Variants in NCKAP5 observed in about 807,000 individuals in gnomAD.
The protein encoded by NCKAP5 is NCK associated protein 5.
NCKAP5 carries 92 observed loss-of-function variants against 167.0 expected under a neutral mutation model. That is an observed-to-expected ratio of 0.55 (90% CI 0.47 to 0.66). NCKAP5 has a LOEUF of 0.66. Among genes scored for constraint, NCKAP5 ranks in the 30% least tolerant of loss-of-function variants. The pLI is 0.00. For missense variants in NCKAP5, 2,378 were observed against 2,315.0 expected (o/e 1.03, Z -0.56); for synonymous variants, 891 against 877.4 (o/e 1.02, Z -0.27).
chr2:132,862,695 G>A (rs375596906), intron 10 of NCKAP5, among the ~76,000 whole-genome samples: 1 of 148,974 alleles, frequency 6.7e-6, no homozygotes, highest in African/African-American at 2.5e-5. Context: ...AGGAGGCAAA[G>A]ATTGCCGTCA....
chr2:133,521,665 T>C (rs1274589455), intron 2 of NCKAP5, among the ~76,000 whole-genome samples: 1 of 152,190 alleles, frequency 6.6e-6, no homozygotes, highest in East Asian at 1.9e-4. Context: ...CACATCCCCA[T>C]GTCTCTTCCT....
chr2:133,375,976 C>T (rs1376508430), intron 3 of NCKAP5, among the ~76,000 whole-genome samples: 1 of 152,030 alleles, frequency 6.6e-6, no homozygotes, highest in African/African-American at 2.4e-5. Context: ...AGAGTGGGCC[C>T]AATAAATTCA....
intron 19 of NCKAP5, among the ~76,000 whole-genome samples, chr2:132,715,292 T>C (rs1431093161): frequency 6.6e-6 from 1 of 152,172 alleles, no homozygotes; most frequent in Non-Finnish European, 1.5e-5. Flanking sequence ...GAAAGTTCCT[T>C]CTACTGACCC....
intron 6 of NCKAP5, among the ~76,000 whole-genome samples, chr2:133,054,737 A>G (rs1164687532): frequency 6.6e-6 from 1 of 152,236 alleles, no homozygotes; most frequent in African/African-American, 2.4e-5. Context: ...CTCACATGGT[A>G]GAATGACATA....
rs541104627 is a variant in NCKAP5 at position 132,707,342 on chromosome 2, A to T, written c.5713+18285T>A. On this transcript the variant is annotated intron_variant, in intron 19 of 19. Coordinates refer to ENST00000409261, the MANE Select transcript of NCKAP5 (RefSeq NM_207363.3). The stretch of plus-strand genomic sequence containing the variant: ...GACCGGCCTTAGCCAGAGGGAAATC[A>T]CCCATCCCAGTGGTCAGAATCTGAG... 8.5e-5 allele frequency among the ~76,000 whole-genome samples: 13 copies of T among 152,330 alleles called. No individual in the cohort carries two copies. The South Asian group carries it at 2.7e-3, about 32-fold the overall frequency.
intron 16 of NCKAP5, among the ~76,000 whole-genome samples, chr2:132,749,177 T>C (rs902694084): frequency 1.3e-5 from 2 of 152,086 alleles, no homozygotes; most frequent in African/African-American, 2.4e-5. Flanking sequence ...TGTGATATAG[T>C]TTTTTCTTTT....
intron 3 of NCKAP5, among the ~76,000 whole-genome samples, chr2:133,432,653 C>T (rs1034028810): frequency 3.3e-5 from 5 of 152,144 alleles, no homozygotes; most frequent in Admixed American, 3.3e-4. Context: ...TTTCACTACT[C>T]TAATACTCCT....
intron 3 of NCKAP5, among the ~76,000 whole-genome samples, chr2:133,417,185 C>T (rs551699904): frequency 2.0e-5 from 3 of 150,862 alleles, no homozygotes; most frequent in African/African-American, 7.3e-5. Flanking sequence ...ACAGGCAACT[C>T]TTCCATTTGA....
intron 19 of NCKAP5, among the ~76,000 whole-genome samples, chr2:132,710,038 G>T (rs964617601): frequency 7.2e-5 from 11 of 151,996 alleles, no homozygotes; most frequent in Admixed American, 4.6e-4. Context: ...AGCTATATAG[G>T]GTTTATCTCA....
the NCKAP5 span, among the ~76,000 whole-genome samples, chr2:133,600,444 C>T: frequency 6.6e-6 from 1 of 152,140 alleles, no homozygotes; most frequent in African/African-American, 2.4e-5. Context: ...CACACAAAAC[C>T]CTTTTTGTTC....
rs1683350824 is a variant in NCKAP5 at position 132,784,309 on chromosome 2, T to C, written c.2502A>G (p.Glu834=). Residue 834 remains glutamate (E), a synonymous_variant, in exon 14 of 20, where the codon GAA becomes GAG. Coordinates refer to ENST00000409261, the MANE Select transcript of NCKAP5 (RefSeq NM_207363.3). The stretch of plus-strand genomic sequence containing the variant: ...TCCCAGGAGCTAAGGCTGGTGATTT[T>C]TCAAGAGTCACCAGGCCAGATGAAG... ...LLPSSGLVTL[E]KSPALAPGKL... The C allele has an allele frequency of 6.2e-7, 1 of 1,613,970 alleles. No individual in the cohort carries two copies. Among genetic ancestry groups the C allele is most frequent in the Non-Finnish European group, 8.5e-7 (1 of 1,179,870 alleles).
Position 132,686,813 on chromosome 2 carries a change from G to A in NCKAP5, c.5714-13508C>T, listed in dbSNP as rs552306877. Among the ~76,000 whole-genome samples the A allele has an allele frequency of 3.9e-5, 6 of 152,256 alleles. No individual in the cohort carries two copies. In the East Asian group the frequency reaches 9.7e-4, roughly 24 times the overall value. ...TTAGGTTTCTTTTATTTAGAAAGCG[G>A]AGATAATAACTCCCCCAGTAAGTAA... On this transcript the variant is annotated intron_variant, in intron 19 of 19. Coordinates refer to ENST00000409261, the MANE Select transcript of NCKAP5 (RefSeq NM_207363.3).
At chr2:133,109,925 A>C (rs2081852859) in intron 6 of NCKAP5, among the ~76,000 whole-genome samples, 1 of 152,236 alleles carries the variant, frequency 6.6e-6, no homozygotes, top group Admixed American at 6.5e-5. Flanking sequence ...TCAAGTAAAT[A>C]AATTATTCTG....
chr2:132,913,243 T>C (rs945004762), intron 8 of NCKAP5, among the ~76,000 whole-genome samples: 2 of 152,146 alleles, frequency 1.3e-5, no homozygotes, highest in Non-Finnish European at 1.5e-5. Context: ...ATGTTAATCA[T>C]GCACATCTAG....
At chr2:132,970,115 A>C (rs1279843052) in intron 7 of NCKAP5, among the ~76,000 whole-genome samples, 2 of 152,208 alleles carry the variant, frequency 1.3e-5, no homozygotes, top group Admixed American at 1.3e-4. Flanking sequence ...ACCATAGTCC[A>C]TTTTAGATAG....
At chr2:132,933,046 T>A (rs1696544426) in intron 8 of NCKAP5, among the ~76,000 whole-genome samples, 1 of 149,528 alleles carries the variant, frequency 6.7e-6, no homozygotes, top group South Asian at 2.2e-4. Flanking sequence ...TGCCTCAGCC[T>A]CCCGAGCAGC....
At chr2:133,671,097 C>T in the NCKAP5 span, among the ~76,000 whole-genome samples, 3 of 151,628 alleles carry the variant, frequency 2.0e-5, no homozygotes, top group Non-Finnish European at 4.4e-5. Flanking sequence ...TGCCTGTAGT[C>T]CCAGCTACTC....
intron 8 of NCKAP5, among the ~76,000 whole-genome samples, chr2:132,952,433 A>G (rs2076215634): frequency 6.6e-6 from 1 of 152,160 alleles, no homozygotes; most frequent in Non-Finnish European, 1.5e-5. Flanking sequence ...GGCCCTGGCA[A>G]TGCAGGGCAG....
chr2:132,998,191 A>C (rs1469805828), intron 6 of NCKAP5, among the ~76,000 whole-genome samples: 1 of 152,258 alleles, frequency 6.6e-6, no homozygotes, highest in Non-Finnish European at 1.5e-5. Flanking sequence ...GTTAAAACAC[A>C]ATCTTGTCTC....
Sources: gnomAD v4.1 joint callset for allele counts (sites outside exome capture counted in the v4.1 genomes callset) on GRCh38, gnomAD v4.1.1 for gene constraint, MANE v1.5 for transcripts, NCBI Gene and HGNC (gene_info 2026-07-23, HGNC 2026-07-21) for gene names.